Variants in SGCD observed in about 807,000 individuals in gnomAD.
The protein encoded by SGCD is delta-sarcoglycan.
In SGCD, 18 loss-of-function variants were observed where a neutral mutation model predicts 36.6. That is an observed-to-expected ratio of 0.49 (90% CI 0.34 to 0.73). SGCD has a LOEUF of 0.73. SGCD is among the 30% of genes least tolerant of loss of function. SGCD has a pLI of 0.01. For synonymous variants in SGCD, 133 were observed against 130.6 expected, an observed-to-expected ratio of 1.02 and a Z score of -0.12; for missense variants, 387 against 346.7, an observed-to-expected ratio of 1.12 and a Z score of -0.92.
chr5:156,551,388 ACT>A (rs775691671), intron 4 of SGCD, among the ~76,000 whole-genome samples: 11 of 151,872 alleles, frequency 7.2e-5, no homozygotes, highest in Non-Finnish European at 1.3e-4. Context: ...AAATATGCAC[ACT>A]CTTTCTCCCA....
intron 3 of SGCD, among the ~76,000 whole-genome samples, chr5:156,317,530 C>G (rs1767549856): frequency 6.6e-6 from 1 of 152,052 alleles, no homozygotes; most frequent in Non-Finnish European, 1.5e-5. Context: ...TTAAGAATAC[C>G]TTCAGGTTAA....
intron 7 of SGCD, among the ~76,000 whole-genome samples, chr5:156,741,874 T>G (rs529692268): frequency 1.1e-4 from 17 of 149,408 alleles, no homozygotes; most frequent in Admixed American, 1.1e-3. Context: ...GTTTTCAGGT[T>G]TTTTTTTTTT....
At chr5:155,811,297 A>G in the SGCD span, among the ~76,000 whole-genome samples, 1 of 152,162 alleles carries the variant, frequency 6.6e-6, no homozygotes, top group African/African-American at 2.4e-5. Context: ...AACAACAACA[A>G]CAACAACAAA....
chr5:156,493,046 T>C (rs1756017515), intron 3 of SGCD, among the ~76,000 whole-genome samples: 1 of 152,286 alleles, frequency 6.6e-6, no homozygotes, highest in African/African-American at 2.4e-5. Context: ...GTCTTTATAG[T>C]AGAATGATTT....
chr5:156,662,681 C>CGGAGA (rs1763978654), intron 7 of SGCD, among the ~76,000 whole-genome samples: 1 of 148,846 alleles, frequency 6.7e-6, no homozygotes, highest in South Asian at 2.1e-4. Flanking sequence ...GGATCATGGC[C>CGGAGA]GGAGAGGGCA....
intron 1 of SGCD, among the ~76,000 whole-genome samples, chr5:155,996,366 G>C (rs957687475): frequency 7.2e-5 from 11 of 152,236 alleles, no homozygotes; most frequent in Non-Finnish European, 1.5e-4. Flanking sequence ...TCTGTATCAG[G>C]ATTCAGTGAC....
At chr5:156,179,561 A>G (rs1286910640) in intron 3 of SGCD, among the ~76,000 whole-genome samples, 1 of 151,746 alleles carries the variant, frequency 6.6e-6, no homozygotes, top group African/African-American at 2.4e-5. Flanking sequence ...TGCCCTCCAT[A>G]TAGATTGTGT....
chr5:156,573,036 T>C (rs910130585), intron 4 of SGCD, among the ~76,000 whole-genome samples: 1 of 152,036 alleles, frequency 6.6e-6, no homozygotes, highest in Non-Finnish European at 1.5e-5. Flanking sequence ...TCAATAATGG[T>C]CATGTTTTTA....
chr5:156,168,885 G>A (rs1283195543), intron 3 of SGCD, among the ~76,000 whole-genome samples: 1 of 152,194 alleles, frequency 6.6e-6, no homozygotes, highest in East Asian at 1.9e-4. Context: ...CATGCGCCAT[G>A]AGCAGTCACT....
intron 3 of SGCD, among the ~76,000 whole-genome samples, chr5:156,467,377 A>G (rs1754762859): frequency 6.6e-6 from 1 of 152,230 alleles, no homozygotes; most frequent in African/African-American, 2.4e-5. Flanking sequence ...TTCAGGATTC[A>G]TCTGGTTAGA....
intron 1 of SGCD, among the ~76,000 whole-genome samples, chr5:155,955,081 T>A (rs1757623336): frequency 1.3e-5 from 2 of 152,126 alleles, no homozygotes; most frequent in African/African-American, 4.8e-5. Context: ...TCCATTCAGA[T>A]CTTCAATTGA....
intron 1 of SGCD, among the ~76,000 whole-genome samples, chr5:155,887,645 A>G (rs1411894644): frequency 1.3e-5 from 2 of 152,206 alleles, no homozygotes; most frequent in Non-Finnish European, 2.9e-5. Context: ...AGTAAAGGAC[A>G]TTTTGTACGT....
At chr5:156,603,018 A>T (rs35321875) in intron 6 of SGCD, among the ~76,000 whole-genome samples, 8,660 of 144,882 alleles carry the variant, frequency 0.06, 827 homozygotes, top group African/African-American at 0.21. Flanking sequence ...AGAATTAGTA[A>T]TACTTCTTCT....
intron 3 of SGCD, among the ~76,000 whole-genome samples, chr5:156,128,475 T>C (rs1762232829): frequency 6.9e-6 from 1 of 144,688 alleles, no homozygotes; most frequent in Non-Finnish European, 1.5e-5. Context: ...AACTCAGATG[T>C]CTAACAAAAA....
At chr5:155,911,058 G>T (rs1756619215) in intron 1 of SGCD, among the ~76,000 whole-genome samples, 1 of 152,062 alleles carries the variant, frequency 6.6e-6, no homozygotes, top group African/African-American at 2.4e-5. Context: ...GCAATGCATT[G>T]TATGGGTATG....
intron 3 of SGCD, among the ~76,000 whole-genome samples, chr5:156,393,314 G>A (rs908611708): frequency 6.6e-6 from 1 of 152,222 alleles, no homozygotes; most frequent in African/African-American, 2.4e-5. Context: ...GCTTCACGCT[G>A]TTTGTGGTAC....
At chr5:156,310,464 C>G (rs190192729) in intron 3 of SGCD, among the ~76,000 whole-genome samples, 2 of 152,168 alleles carry the variant, frequency 1.3e-5, no homozygotes, top group Non-Finnish European at 2.9e-5. Flanking sequence ...ATGAACATCC[C>G]GCCAGTGTGC....
intron 3 of SGCD, among the ~76,000 whole-genome samples, chr5:156,135,108 A>T (rs1438932538): frequency 6.6e-6 from 1 of 152,178 alleles, no homozygotes; most frequent in Non-Finnish European, 1.5e-5. Context: ...TACTCAATAG[A>T]TATGGATGGG....
intron 3 of SGCD, among the ~76,000 whole-genome samples, chr5:156,360,153 G>T (rs1186886822): frequency 6.6e-6 from 1 of 151,994 alleles, no homozygotes; most frequent in African/African-American, 2.4e-5. Flanking sequence ...TAAATCCTCA[G>T]ATCAAATTCA....
Sources: gnomAD v4.1 joint callset for allele counts (sites outside exome capture counted in the v4.1 genomes callset) on GRCh38, gnomAD v4.1.1 for gene constraint, MANE v1.5 for transcripts, NCBI Gene and HGNC (gene_info 2026-07-23, HGNC 2026-07-21) for gene names.